PCDH15: variants seen among roughly 807,000 people sequenced by gnomAD.
The protein encoded by PCDH15 is protocadherin-15.
In PCDH15, 129 loss-of-function variants were observed where a neutral mutation model predicts 178.5. The observed-to-expected ratio is 0.72, with a 90% CI of 0.63 to 0.84. PCDH15 has a LOEUF of 0.84. Ranked by LOEUF, PCDH15 falls within the 40% of genes least tolerant of loss-of-function variation. The probability of loss-of-function intolerance (pLI) is 0.00; values close to 1 mark genes in which losing one functional copy is unlikely to be tolerated. For missense variants in PCDH15, 2,230 were observed against 2,099.9 expected, an observed-to-expected ratio of 1.06 and a Z score of -1.21; for synonymous variants, 800 against 732.0, an observed-to-expected ratio of 1.09 and a Z score of -1.50.
At chr10:54,808,181 C>G (rs1042536995) in intron 3 of PCDH15, among the ~76,000 whole-genome samples, 41 of 152,120 alleles carry the variant, frequency 2.7e-4, no homozygotes, top group African/African-American at 9.9e-4. Context: ...CTCTTTAACT[C>G]AGTAATCACT....
chr10:55,372,427 A>C (rs1339361936), intron 2 of PCDH15, among the ~76,000 whole-genome samples: 2 of 152,186 alleles, frequency 1.3e-5, no homozygotes, highest in Non-Finnish European at 2.9e-5. Flanking sequence ...AAACTACTTT[A>C]TAATCCCTTA....
intron 23 of PCDH15, among the ~76,000 whole-genome samples, chr10:53,947,196 C>T (rs2086647280): frequency 6.6e-6 from 1 of 152,078 alleles, no homozygotes; most frequent in Non-Finnish European, 1.5e-5. Context: ...ACATAATTTG[C>T]AATGTCTAAA....
chr10:54,418,962 G>A (rs1954843112), intron 3 of PCDH15, among the ~76,000 whole-genome samples: 1 of 151,872 alleles, frequency 6.6e-6, no homozygotes, highest in South Asian at 2.1e-4. Flanking sequence ...ATAGCTATGA[G>A]AGATAATTTA....
chr10:54,055,458 A>G (rs1348754958), intron 18 of PCDH15, among the ~76,000 whole-genome samples: 1 of 152,230 alleles, frequency 6.6e-6, no homozygotes, highest in Non-Finnish European at 1.5e-5. Flanking sequence ...TTGTTTAAAC[A>G]TTGTTTAACA....
chr10:55,426,426 A>T (rs1361332963), intron 2 of PCDH15, among the ~76,000 whole-genome samples: 1 of 152,132 alleles, frequency 6.6e-6, no homozygotes, highest in African/African-American at 2.4e-5. Context: ...CACTCAGGTG[A>T]GCAGGTACAG....
intron 2 of PCDH15, among the ~76,000 whole-genome samples, chr10:54,576,416 A>G (rs115272241): frequency 0.013 from 1,974 of 152,366 alleles, 43 homozygotes; most frequent in African/African-American, 0.045. Context: ...TATTTCCCAC[A>G]GAATACTAAT....
At chr10:54,240,598 T>A (rs1340356170) in intron 8 of PCDH15, among the ~76,000 whole-genome samples, 1 of 150,940 alleles carries the variant, frequency 6.6e-6, no homozygotes, top group Non-Finnish European at 1.5e-5. Flanking sequence ...TACTTAAACT[T>A]CTAAATTCTG....
rs200975767 is a variant in PCDH15, at chr10:54,329,694, T to C, written c.607A>G (p.Thr203Ala). 6.6e-5 allele frequency: 104 copies of C among 1,569,420 alleles called. No individual in the cohort carries two copies. Among genetic ancestry groups the C allele is most frequent in the Non-Finnish European group, 8.4e-5 (96 of 1,139,908 alleles). ...GTCAACATTAGGGGAATTTCAAAGG[T>C]GTCATTGGATGTCTGCAAATATTAA... The part of the protein sequence containing the change: ...YNPDDPTSND[T>A]FEIPLMLTGN... The change falls in exon 7 of 38, where the codon ACC becomes GCC. Residue 203 changes from threonine to alanine, a missense_variant. Physicochemically the swap from Thr to Ala is moderately conservative, Grantham distance 58. Transcript: ENST00000644397.
chr10:55,394,250 T>C (rs552764863), intron 2 of PCDH15, among the ~76,000 whole-genome samples: 1 of 152,214 alleles, frequency 6.6e-6, no homozygotes, highest in Non-Finnish European at 1.5e-5. Context: ...TACTATTCTT[T>C]CTTTCCCACT....
At chr10:54,107,172 T>C (rs1219338031) in intron 15 of PCDH15, among the ~76,000 whole-genome samples, 1 of 152,220 alleles carries the variant, frequency 6.6e-6, no homozygotes. Flanking sequence ...TTCTGTTCTC[T>C]TATATACTAC....
At chr10:53,998,178 T>C (rs1284745301) in intron 20 of PCDH15, among the ~76,000 whole-genome samples, 4 of 152,158 alleles carry the variant, frequency 2.6e-5, no homozygotes, top group Non-Finnish European at 5.9e-5. Context: ...CAAAAAGAAA[T>C]ATTTCCTCCT....
chr10:55,340,523 T>A (rs543858635), intron 2 of PCDH15, among the ~76,000 whole-genome samples: 1 of 152,006 alleles, frequency 6.6e-6, no homozygotes, highest in African/African-American at 2.4e-5. Flanking sequence ...ACTTCACGTA[T>A]CTGCATGGAT....
chr10:55,612,188 ATAAAG>A (rs976427478), intron 2 of PCDH15, among the ~76,000 whole-genome samples: 3 of 152,132 alleles, frequency 2.0e-5, no homozygotes, highest in Non-Finnish European at 4.4e-5. Flanking sequence ...TGTTCTCACC[ATAAAG>A]TAATGATAAA....
At chr10:55,275,527 C>T (rs769490185) in intron 1 of PCDH15, among the ~76,000 whole-genome samples, 12 of 135,094 alleles carry the variant, frequency 8.9e-5, no homozygotes, top group Non-Finnish European at 1.8e-4. Flanking sequence ...CCAGTGCTAT[C>T]CTTTTGCACT....
intron 2 of PCDH15, among the ~76,000 whole-genome samples, chr10:54,588,109 A>C (rs2091626239): frequency 6.6e-6 from 1 of 152,194 alleles, no homozygotes; most frequent in African/African-American, 2.4e-5. Flanking sequence ...TACCATGTAA[A>C]GCGAGAAGTG....
At chr10:54,482,588 G>C (rs750277930) in intron 3 of PCDH15, among the ~76,000 whole-genome samples, 1 of 151,758 alleles carries the variant, frequency 6.6e-6, no homozygotes, top group Non-Finnish European at 1.5e-5. Context: ...CTCAGAAGGT[G>C]TTCAGGAAAA....
chr10:54,755,949 G>C (rs555711060), intron 1 of PCDH15, among the ~76,000 whole-genome samples: 1 of 151,856 alleles, frequency 6.6e-6, no homozygotes, highest in African/African-American at 2.4e-5. Flanking sequence ...GACAAGGCGC[G>C]GTAGCTCATA....
At chr10:54,266,896 A>T (rs1284229228) in intron 8 of PCDH15, among the ~76,000 whole-genome samples, 8 of 152,108 alleles carry the variant, frequency 5.3e-5, no homozygotes, top group African/African-American at 1.9e-4. Context: ...ATTCCAAAAA[A>T]TCGAGGATGA....
chr10:54,043,089 A>C (rs2093583282), intron 18 of PCDH15, among the ~76,000 whole-genome samples: 2 of 152,116 alleles, frequency 1.3e-5, no homozygotes, highest in South Asian at 4.1e-4. Context: ...ACCTGAGATG[A>C]ACTGATATGG....
Sources: gnomAD v4.1 joint callset for allele counts (sites outside exome capture counted in the v4.1 genomes callset) on GRCh38, gnomAD v4.1.1 for gene constraint, MANE v1.5 for transcripts, NCBI Gene and HGNC (gene_info 2026-07-23, HGNC 2026-07-21) for gene names.